The following TBC1D10B variants were observed in gnomAD, a reference collection of about 807,000 sequenced individuals.
The protein encoded by TBC1D10B is TBC1 domain family member 10B, also known as Rab27A-GAPbeta.
In TBC1D10B, 25 loss-of-function variants were observed where a neutral mutation model predicts 78.4. That is an observed-to-expected ratio of 0.32 (90% CI 0.23 to 0.45). TBC1D10B has a LOEUF of 0.45. Ranked by LOEUF, TBC1D10B falls within the 20% of genes least tolerant of loss-of-function variation. The pLI, the probability that TBC1D10B is intolerant of heterozygous loss-of-function variation, is 1.00. For synonymous variants in TBC1D10B, 517 were observed against 478.0 expected (o/e 1.08, Z -1.06); for missense variants, 996 against 1,104.8 (o/e 0.90, Z 1.40).
rs1394125816 is a variant in TBC1D10B at position 30,365,071 on chromosome 16, G to A, written c.1164+34C>T. 2 of 1,612,584 alleles carry A rather than the reference G, an allele frequency of 1.2e-6. No homozygotes were observed. Among genetic ancestry groups the A allele is most frequent in the Non-Finnish European group, 1.7e-6 (2 of 1,178,660 alleles). ...AACTGATACCCCTTGCACAGACAGG[G>A]CCACATGTCCCCACACCTTGGAGCT... is the stretch of plus-strand genomic sequence containing the variant. On this transcript the variant is annotated intron_variant, in intron 3 of 8. Coordinates refer to ENST00000409939, the MANE Select transcript of TBC1D10B (RefSeq NM_015527.4). This position sits in a 1 kb window ranked among gnomAD's most constrained non-coding sequence, Gnocchi z 5.0.
At position 30,369,782 on chromosome 16, in the gene TBC1D10B, C is replaced by A; in HGVS notation, c.402G>T (p.Lys134Asn). The stretch of plus-strand genomic sequence containing the variant: ...CGGGTGAGGGTCGAGCCTCCTCTGT[C>A]TTCGGCGAGTCTGCCCCTGCGGCCA... ...RALAAGADSP[K>N]TEEARPSPAP... Residue 134 changes from lysine to asparagine, a missense_variant, in exon 1 of 9, where the codon AAG (lysine) becomes AAT (asparagine). Around this residue, in one of 5 missense-constraint regions of TBC1D10B, gnomAD observed 448 missense variants for 442.1 expected, o/e 1.01. Coordinates refer to ENST00000409939, the MANE Select transcript of TBC1D10B (RefSeq NM_015527.4). This position sits in a 1 kb window ranked among gnomAD's most constrained non-coding sequence, Gnocchi z 4.3. 1 of 1,438,050 alleles carries A rather than the reference C, an allele frequency of 7.0e-7. No homozygotes were observed. Among genetic ancestry groups the A allele is most frequent in the East Asian group, 2.6e-5 (1 of 38,816 alleles). 89.1% of individuals were successfully genotyped at this position (1,438,050 alleles called of 1,614,324 possible).
chr16:30,369,118 C>T lies in TBC1D10B; in HGVS notation c.956+110G>A. On this transcript the variant is annotated intron_variant, in intron 1 of 8. Coordinates refer to ENST00000409939, the MANE Select transcript of TBC1D10B (RefSeq NM_015527.4). This position sits in a 1 kb window ranked among gnomAD's most constrained non-coding sequence, Gnocchi z 4.3. ...TCGCGCTGATCACCCCGTGGATCCT[C>T]AGAGGAGGCTGGGCTGCCAGAGTCT... The T allele has an allele frequency of 2.5e-6, 3 of 1,178,410 alleles. No homozygotes were observed. The highest frequency in any genetic ancestry group is 3.5e-6 in the Non-Finnish European group (3 of 854,344). 73.0% of individuals were successfully genotyped at this position (1,178,410 alleles called of 1,614,324 possible). A position where few individuals can be genotyped will look rare whatever the true frequency, so the allele number is the denominator to read the frequency against.
chr16:30,359,124 C>T, intron 7 of TBC1D10B, 48 bp downstream of exon 7: 1 of 1,553,094 alleles, frequency 6.4e-7, no homozygotes. Context: ...CCCTGGTAGC[C>T]ACCACAGAAA....
At position 30,365,528 on chromosome 16, in the gene TBC1D10B, G is replaced by A; in HGVS notation, c.1023C>T (p.Asn341=). Residue 341 remains asparagine (N), a synonymous_variant, in exon 2 of 9, where the codon AAC becomes AAT. Coordinates refer to ENST00000409939, the MANE Select transcript of TBC1D10B (RefSeq NM_015527.4). The surrounding 1 kb of genome is among the most constrained non-coding windows in gnomAD (Gnocchi z 5.0). ...ATCGCCGTGACAGCCACTTATCCCA[G>A]TTACTGAACATGTCCAGCCATTTGA... is the stretch of plus-strand genomic sequence containing the variant. The part of the protein sequence containing the change: ...RELKWLDMFS[N]WDKWLSRRFQ... The A allele has an allele frequency of 6.2e-7, 1 of 1,614,004 alleles. No homozygotes were observed. The highest frequency in any genetic ancestry group is 8.5e-7 in the Non-Finnish European group (1 of 1,179,892).
In TBC1D10B at chr16:30,358,466, T is replaced by A. The variant is rs1425594405; in HGVS notation, c.1905A>T (p.Arg635=). The part of the protein sequence containing the change: ...RGELQYRPSR[R]LHGSRAIHEE... ...CGTGGATGGCCCGGGACCCATGCAG[T>A]CGCCGTGAGGGCCGATACTGCAGCT... Residue 635 remains arginine (R), a synonymous_variant, in exon 9 of 9, where the codon CGA becomes CGT. Transcript: ENST00000409939. 1.3e-6 allele frequency: 2 copies of A among 1,593,492 alleles called. No individual in the cohort carries two copies. Among genetic ancestry groups the A allele is most frequent in the Non-Finnish European group, 1.7e-6 (2 of 1,170,450 alleles).
chr16:30,359,052 A>C, intron 7 of TBC1D10B, 120 bp downstream of exon 7: 2 of 1,340,944 alleles, frequency 1.5e-6, no homozygotes, highest in Non-Finnish European at 2.0e-6. Context: ...CCAGCTGCTT[A>C]TGGTGAAACC....
At position 30,365,465 on chromosome 16, in the gene TBC1D10B, A is replaced by C; in HGVS notation, c.1056+30T>G. 6.2e-7 allele frequency: 1 copy of C among 1,612,448 alleles called. No individual in the cohort carries two copies. The highest frequency in any genetic ancestry group is 8.5e-7 in the Non-Finnish European group (1 of 1,178,462). Reference sequence around the variant, plus strand: ...ACATGCTACCCCTCCCAACTTGTGCATTGCCCTGCCCACCATTCAGCCCTC... The same window carrying C: ...ACATGCTACCCCTCCCAACTTGTGCCTTGCCCTGCCCACCATTCAGCCCTC... On this transcript the variant is annotated intron_variant, in intron 2 of 8. Coordinates refer to ENST00000409939, the MANE Select transcript of TBC1D10B (RefSeq NM_015527.4). The surrounding 1 kb of genome is among the most constrained non-coding windows in gnomAD (Gnocchi z 5.0).
chr16:30,359,135 C>T, intron 7 of TBC1D10B, 37 bp downstream of exon 7: 2 of 1,576,176 alleles, frequency 1.3e-6, no homozygotes, highest in Non-Finnish European at 1.7e-6. Flanking sequence ...ACCACAGAAA[C>T]CCCAGCCCCT....
chr16:30,364,835 C>A, intron 4 of TBC1D10B, 65 bp downstream of exon 4: 1 of 1,463,788 alleles, frequency 6.8e-7, no homozygotes, highest in South Asian at 1.2e-5. Context: ...TTGTATCCAC[C>A]TAGCTAAAAG....
intron 1 of TBC1D10B, chr16:30,367,784 C>A (rs1297521188): frequency 2.0e-5 from 3 of 152,242 alleles, no homozygotes; most frequent in African/African-American, 7.2e-5. Flanking sequence ...CTGTGGACAG[C>A]AGCGAGCCAC....
At chr16:30,359,992 A>T in intron 4 of TBC1D10B, 151 bp from the exon 5 acceptor site, 1 of 690,648 alleles carries the variant, frequency 1.4e-6, no homozygotes, top group Non-Finnish European at 2.4e-6. Flanking sequence ...GGCTCAGCCC[A>T]CAGCAGAGCA....
chr16:30,370,288 CG>C lies in TBC1D10B; in HGVS notation c.-106del. On this transcript the variant is annotated 5_prime_UTR_variant, in exon 1 of 9. Coordinates refer to ENST00000409939, the MANE Select transcript of TBC1D10B (RefSeq NM_015527.4). Reference sequence around the variant, plus strand: ...CCGAGAAAGGGGAGAGGGCGAAGGGCGCGGCTCGGCGCGCGCCGGGGGCGGA... The same window carrying C: ...CCGAGAAAGGGGAGAGGGCGAAGGGCCGGCTCGGCGCGCGCCGGGGGCGGA... 1 of 517,694 alleles carries C rather than the reference CG, an allele frequency of 1.9e-6. No individual in the cohort carries two copies. Among genetic ancestry groups the C allele is most frequent in the Non-Finnish European group, 2.6e-6 (1 of 382,006 alleles). The allele number at this position is 517,694 out of a possible 1,614,324, so 32.1% of individuals were successfully genotyped here. A position where few individuals can be genotyped will look rare whatever the true frequency, so the allele number is the denominator to read the frequency against.
Position 30,357,986 on chromosome 16 carries a change from C to G in TBC1D10B, c.2385G>C (p.Gly795=), listed in dbSNP as rs889786245. ...GCCGGGCCTCGGCTGAGGGCCTGTC[C>G]CCACCATCATGGGGGCCTGGGGGCC... ...ADGPPGPHDG[G]DRPSAEARQD... Residue 795 remains glycine (G), a synonymous_variant, in exon 9 of 9, where the codon GGG becomes GGC. Transcript: ENST00000409939. 48 of 1,551,604 alleles carry G rather than the reference C, an allele frequency of 3.1e-5. No homozygotes were observed. The highest frequency in any genetic ancestry group is 3.9e-5 in the Non-Finnish European group (45 of 1,147,012).
Position 30,369,251 on chromosome 16 carries a change from C to T in TBC1D10B, c.933G>A (p.Gly311=), listed in dbSNP as rs1168244465. 10 of 1,583,076 alleles carry T rather than the reference C, an allele frequency of 6.3e-6. No individual in the cohort carries two copies. The highest frequency in any genetic ancestry group is 7.7e-6 in the Non-Finnish European group (9 of 1,165,080). ...LRKTDKYGFL[G]GSQYSGSLES... Reference sequence around the variant, plus strand: ...ACAGGCTGCCCGAGTACTGGCTGCCCCCAAGGAAGCCATACTTGTCCGTCT... The same window carrying T: ...ACAGGCTGCCCGAGTACTGGCTGCCTCCAAGGAAGCCATACTTGTCCGTCT... Residue 311 remains glycine (G), a synonymous_variant, in exon 1 of 9, where the codon GGG becomes GGA. Coordinates refer to ENST00000409939, the MANE Select transcript of TBC1D10B (RefSeq NM_015527.4). This position sits in a 1 kb window ranked among gnomAD's most constrained non-coding sequence, Gnocchi z 4.3.
intron 4 of TBC1D10B, among the ~76,000 whole-genome samples, chr16:30,363,332 G>A (rs1889343400): frequency 6.6e-6 from 1 of 152,158 alleles, no homozygotes; most frequent in African/African-American, 2.4e-5. Flanking sequence ...TAACTGGTCC[G>A]TTTCTGTCCT....
chr16:30,358,604 G>C, intron 8 of TBC1D10B, 31 bp from the exon 9 acceptor site: 1 of 1,590,176 alleles, frequency 6.3e-7, no homozygotes, highest in Non-Finnish European at 8.6e-7. Flanking sequence ...TACCAGAATG[G>C]AGCTGAGGGT....
At chr16:30,360,967 G>A (rs544612831) in intron 4 of TBC1D10B, among the ~76,000 whole-genome samples, 1 of 151,628 alleles carries the variant, frequency 6.6e-6, no homozygotes, top group East Asian at 1.9e-4. Flanking sequence ...ATACCCACAT[G>A]CTGTTATTTG....
In TBC1D10B at chr16:30,358,098, T is replaced by G. The variant is rs1273821624; in HGVS notation, c.2273A>C (p.Lys758Thr). ...CTCCTTCTCCTGCTTCTCTCGCTCC[T>G]TTTCCTGCTTCTCTCGCTCTTTCTC... is the stretch of plus-strand genomic sequence containing the variant. ...KQEKEREKQE[K>T]EREKQEKERQ... is the part of the protein sequence containing the mutation. Residue 758 changes from lysine (K) to threonine (T), a missense_variant, in exon 9 of 9, where the codon AAG becomes ACG. Physicochemically the swap from Lys to Thr is moderately conservative, Grantham distance 78. This residue lies in a region of TBC1D10B where 285 missense variants were observed against 252.5 expected (regional missense o/e 1.13). Coordinates refer to ENST00000409939, the MANE Select transcript of TBC1D10B (RefSeq NM_015527.4). 6.4e-7 allele frequency: 1 copy of G among 1,550,564 alleles called. No individual in the cohort carries two copies. The highest frequency in any genetic ancestry group is 1.4e-5 in the African/African-American group (1 of 72,980).
intron 1 of TBC1D10B, chr16:30,366,623 T>C (rs1199999177): frequency 6.6e-6 from 1 of 152,206 alleles, no homozygotes; most frequent in Admixed American, 6.5e-5. Flanking sequence ...ACCTGCAATT[T>C]ACTCTACCTC....
Sources: allele counts gnomAD v4.1 joint callset (sites outside exome capture counted in the v4.1 genomes callset), GRCh38; gene constraint gnomAD v4.1.1; regional missense constraint gnomAD v4.1.1; non-coding constraint Gnocchi (gnomAD v3.1); transcripts MANE v1.5; gene names NCBI Gene and HGNC (gene_info 2026-07-23, HGNC 2026-07-21).